EIF2AK2: variants seen among roughly 807,000 people sequenced by gnomAD.
EIF2AK2 encodes eukaryotic translation initiation factor 2 alpha kinase 2, also known as interferon-induced, double-stranded RNA-activated protein kinase.
EIF2AK2 carries 40 observed loss-of-function variants against 70.5 expected under a neutral mutation model. The observed-to-expected ratio is 0.57, with a 90% CI of 0.44 to 0.74. EIF2AK2 has a LOEUF of 0.74. EIF2AK2 is among the 30% of genes least tolerant of loss of function. The pLI is 0.00. For synonymous variants in EIF2AK2, 198 were observed against 220.9 expected (o/e 0.90, Z 0.92); for missense variants, 555 against 644.3 (o/e 0.86, Z 1.50).
chr2:37,116,626 T>A (rs768618037), intron 13 of EIF2AK2, among the ~76,000 whole-genome samples: 1 of 152,068 alleles, frequency 6.6e-6, no homozygotes, highest in Non-Finnish European at 1.5e-5. Context: ...CATACAGCAA[T>A]TAGCAGTTGG....
At position 37,138,573 on chromosome 2, in the gene EIF2AK2, G is replaced by C. The variant is rs113473736; in HGVS notation, c.529C>G (p.Leu177Val). ...SEETSVKSDY[L>V]SSGSFATTCE... Reference sequence around the variant, plus strand: ...GTAGTAGCAAAAGAACCAGAGGACAGGTAGTCAGATTTCTGAAAGAAAAAG... The same window carrying C: ...GTAGTAGCAAAAGAACCAGAGGACACGTAGTCAGATTTCTGAAAGAAAAAG... The change falls in exon 7 of 17, where the codon CTG becomes GTG. Residue 177 changes from leucine (L) to valine (V), a missense_variant. By Grantham distance (32) the Leu-to-Val change is conservative (BLOSUM62 1). Transcript: ENST00000233057. The C allele has an allele frequency of 3.1e-6, 5 of 1,614,106 alleles. No homozygotes were observed. The highest frequency in any genetic ancestry group is 1.3e-5 in the African/African-American group (1 of 75,062).
chr2:37,110,973 G>T (rs1031605025), intron 14 of EIF2AK2, among the ~76,000 whole-genome samples: 6 of 152,176 alleles, frequency 3.9e-5, no homozygotes, highest in African/African-American at 1.4e-4. Context: ...TCATTAGTCA[G>T]CCTTAAAAAG....
intron 5 of EIF2AK2, among the ~76,000 whole-genome samples, 163 bp from the exon 6 acceptor site, chr2:37,139,920 G>A (rs908977180): frequency 6.6e-6 from 1 of 152,146 alleles, no homozygotes; most frequent in African/African-American, 2.4e-5. Flanking sequence ...TCAGTAACAT[G>A]CCTGACCAAT....
At chr2:37,148,418 G>A in intron 2 of EIF2AK2, 1 of 365,998 alleles carries the variant, frequency 2.7e-6, no homozygotes, top group Non-Finnish European at 5.1e-6. Context: ...GTGCCTGTGT[G>A]GACGTGGATC....
chr2:37,146,701 G>GA (rs1407659665), intron 4 of EIF2AK2, 152 bp downstream of exon 4: 1 of 938,642 alleles, frequency 1.1e-6, no homozygotes, highest in Non-Finnish European at 1.6e-6. Flanking sequence ...GGGTTTCATA[G>GA]AAATGAAGAT....
chr2:37,154,824 A>C (rs1401523102), intron 1 of EIF2AK2, among the ~76,000 whole-genome samples: 1 of 151,998 alleles, frequency 6.6e-6, no homozygotes, highest in Non-Finnish European at 1.5e-5. Flanking sequence ...GGCCTCCCAA[A>C]GTGCTGCGAT....
At chr2:37,145,765 T>G (rs1558428924) in intron 4 of EIF2AK2, among the ~76,000 whole-genome samples, 1 of 111,740 alleles carries the variant, frequency 8.9e-6, no homozygotes, top group Admixed American at 9.0e-5. Context: ...TTTTTTTTTT[T>G]TTTTTTTTTT....
chr2:37,118,145 C>CA (rs759888634), intron 13 of EIF2AK2, among the ~76,000 whole-genome samples: 3,636 of 141,536 alleles, frequency 0.026, 60 homozygotes, highest in Non-Finnish European at 0.037. Flanking sequence ...CCTGTCTCTA[C>CA]AAAAAAAAAA....
intron 14 of EIF2AK2, among the ~76,000 whole-genome samples, chr2:37,111,449 C>T (rs1341556242): frequency 6.8e-6 from 1 of 147,786 alleles, no homozygotes; most frequent in Admixed American, 6.8e-5. Context: ...GACCAGGCTG[C>T]AGTGCAATGG....
rs1338677021 is a variant in EIF2AK2 at position 37,101,554 on chromosome 2, T to C, written c.*5719A>G. 6.6e-6 allele frequency: 1 copy of C among 152,192 alleles called. No homozygotes were observed. Among genetic ancestry groups the C allele is most frequent in the Non-Finnish European group, 1.5e-5 (1 of 68,040 alleles). The allele number at this position is 152,192 out of a possible 1,614,324, so 9.4% of individuals were successfully genotyped here. A position where few individuals can be genotyped will look rare whatever the true frequency, so the allele number is the denominator to read the frequency against. On this transcript the variant is annotated 3_prime_UTR_variant, in exon 17 of 17. Coordinates refer to ENST00000233057, the MANE Select transcript of EIF2AK2 (RefSeq NM_001135651.3). ...CTGAAATGATGTAAGAGAAAGTGTA[T>C]AGCATCACCTATGGAGTATTCTTGG... is the stretch of plus-strand genomic sequence containing the variant.
At chr2:37,134,260 G>A (rs934944558) in intron 10 of EIF2AK2, among the ~76,000 whole-genome samples, 1 of 152,120 alleles carries the variant, frequency 6.6e-6, no homozygotes, top group Non-Finnish European at 1.5e-5. Flanking sequence ...AACGCCTTAA[G>A]CCACAAGGCC....
chr2:37,134,821 A>C (rs938755297), intron 10 of EIF2AK2, among the ~76,000 whole-genome samples: 7 of 152,158 alleles, frequency 4.6e-5, no homozygotes, highest in Non-Finnish European at 1.0e-4. Context: ...TGGAACCTGT[A>C]CCCTAGTTTA....
In EIF2AK2 at chr2:37,114,824, T is replaced by C. The variant is rs958720606; in HGVS notation, c.1284A>G (p.Val428=). ...SNIFLVDTKQ[V]KIGDFGLVTS... The stretch of plus-strand genomic sequence containing the variant: ...TTACAAGTCCAAAGTCTCCAATCTT[T>C]ACTTGTTTTGTATCTACTAAGAATA... Residue 428 remains valine, a synonymous_variant, in exon 14 of 17, where the codon GTA becomes GTG. Transcript: ENST00000233057. 1 of 1,597,184 alleles carries C rather than the reference T, an allele frequency of 6.3e-7. No individual in the cohort carries two copies. The highest frequency in any genetic ancestry group is 8.5e-7 in the Non-Finnish European group (1 of 1,172,414).
chr2:37,146,507 CT>C (rs1233259139), intron 4 of EIF2AK2, among the ~76,000 whole-genome samples: 1 of 152,118 alleles, frequency 6.6e-6, no homozygotes, highest in Non-Finnish European at 1.5e-5. Flanking sequence ...TCTCTTTTTC[CT>C]TTTTTACTGT....
chr2:37,128,143 G>A (rs187645483), intron 10 of EIF2AK2, among the ~76,000 whole-genome samples: 4 of 152,328 alleles, frequency 2.6e-5, no homozygotes, highest in African/African-American at 2.4e-5. Flanking sequence ...GCCCAGCACA[G>A]TGCCAATTCT....
rs1401458808 is a variant in EIF2AK2 at position 37,107,185 on chromosome 2, G to C, written c.*88C>G. On this transcript the variant is annotated 3_prime_UTR_variant, in exon 17 of 17. Transcript: ENST00000233057. ...AATTAAAGGAAACATTAAAATAAAA[G>C]GTAAATATCTATTGATATTCCCTAG... The C allele has an allele frequency of 7.1e-7, 1 of 1,403,758 alleles. No individual in the cohort carries two copies. Among genetic ancestry groups the C allele is most frequent in the African/African-American group, 1.5e-5 (1 of 68,920 alleles). The allele number at this position is 1,403,758 out of a possible 1,614,324, so 87.0% of individuals were successfully genotyped here. A position where few individuals can be genotyped will look rare whatever the true frequency, so the allele number is the denominator to read the frequency against.
chr2:37,144,228 G>A (rs1675442624), intron 4 of EIF2AK2, among the ~76,000 whole-genome samples: 1 of 152,062 alleles, frequency 6.6e-6, no homozygotes, highest in Non-Finnish European at 1.5e-5. Context: ...CAAATCTACT[G>A]TTCTACAGTC....
rs114683631 is a variant in EIF2AK2, at chr2:37,141,039, C to T, written c.389+514G>A. 4.0e-3 allele frequency among the ~76,000 whole-genome samples: 615 copies of T among 152,326 alleles called. 1 individual carries two copies. The highest frequency in any genetic ancestry group is 0.014 in the African/African-American group (595 of 41,568). ...CTTTGAAACTCTAGTTCATCTGTCT[C>T]ATCAGATCCCTCAAATCCCGGTCTC... is the stretch of plus-strand genomic sequence containing the variant. On this transcript the variant is annotated intron_variant, in intron 5 of 16. Transcript: ENST00000233057.
At chr2:37,145,947 T>C (rs2373113) in intron 4 of EIF2AK2, among the ~76,000 whole-genome samples, 127,560 of 151,140 alleles carry the variant, frequency 0.84, 55,238 homozygotes, top group East Asian at 1. Context: ...AGAGACAGGG[T>C]TTCACCATGT....
Sources: allele counts gnomAD v4.1 joint callset (sites outside exome capture counted in the v4.1 genomes callset), GRCh38; gene constraint gnomAD v4.1.1; transcripts MANE v1.5; gene names NCBI Gene and HGNC (gene_info 2026-07-23, HGNC 2026-07-21).